The following KLHL31 variants were observed in gnomAD, a reference collection of about 807,000 sequenced individuals.
KLHL31 encodes kelch like family member 31.
In KLHL31, 32 loss-of-function variants were observed where a neutral mutation model predicts 47.1. That is an observed-to-expected ratio of 0.68 (90% CI 0.51 to 0.91). KLHL31 has a LOEUF of 0.91. Among genes scored for constraint, KLHL31 ranks in the 40% least tolerant of loss-of-function variants. The pLI is 0.00. For synonymous variants in KLHL31, 330 were observed against 325.1 expected (o/e 1.01, Z -0.16); for missense variants, 797 against 819.3 (o/e 0.97, Z 0.33).
intron 1 of KLHL31, among the ~76,000 whole-genome samples, chr6:53,661,068 C>T (rs1197999523): frequency 6.6e-6 from 1 of 152,154 alleles, no homozygotes; most frequent in East Asian, 1.9e-4. Context: ...TGCTTTGAAG[C>T]TGAACAAAGC....
chr6:53,653,458 T>C (rs1764505738), intron 2 of KLHL31, among the ~76,000 whole-genome samples: 1 of 152,254 alleles, frequency 6.6e-6, no homozygotes, highest in South Asian at 2.1e-4. Flanking sequence ...GGAAGTTTAA[T>C]TTTTAATCAT....
chr6:53,662,160 A>G (rs1445120414), intron 1 of KLHL31, among the ~76,000 whole-genome samples: 2 of 152,158 alleles, frequency 1.3e-5, no homozygotes, highest in African/African-American at 2.4e-5. Flanking sequence ...CCAGGCATGC[A>G]TCTTTGTTAA....
Position 53,654,697 on chromosome 6 carries a change from C to A in KLHL31, c.576G>T (p.Gln192His). 6.2e-7 allele frequency: 1 copy of A among 1,614,194 alleles called. No individual in the cohort carries two copies. Among genetic ancestry groups the A allele is most frequent in the South Asian group, 1.1e-5 (1 of 91,080 alleles). The change falls in exon 2 of 3, where the codon CAG becomes CAT. Residue 192 changes from glutamine (Q) to histidine (H), a missense_variant. Gln to His is a conservative substitution (Grantham distance 24). Coordinates refer to ENST00000370905, the MANE Select transcript of KLHL31 (RefSeq NM_001003760.5). ...YSLKNAKAAA[Q>H]KFIRDNFLEF... Reference sequence around the variant, plus strand: ...CAAGGAAGTTATCCCGAATAAATTTCTGGGCTGCTGCTTTTGCATTTTTTA... The same window carrying A: ...CAAGGAAGTTATCCCGAATAAATTTATGGGCTGCTGCTTTTGCATTTTTTA...
chr6:53,652,257 C>A lies in KLHL31; in HGVS notation c.1246G>T (p.Val416Leu). 3 of 1,614,148 alleles carry A rather than the reference C, an allele frequency of 1.9e-6. No individual in the cohort carries two copies. Among genetic ancestry groups the A allele is most frequent in the Non-Finnish European group, 2.5e-6 (3 of 1,180,050 alleles). The change falls in exon 3 of 3, where the codon GTG becomes TTG. Residue 416 changes from valine to leucine, a missense_variant. Physicochemically the swap from Val to Leu is conservative, Grantham distance 32. Coordinates refer to ENST00000370905, the MANE Select transcript of KLHL31 (RefSeq NM_001003760.5). ...NQKRTHFSLS[V>L]FNGLVYAAGG... is the part of the protein sequence containing the mutation. The stretch of plus-strand genomic sequence containing the variant: ...GCGGCGTACACGAGCCCGTTGAACA[C>A]GCTCAGGCTGAAGTGCGTGCGCTTC...
chr6:53,661,485 G>T (rs1764644732), intron 1 of KLHL31, among the ~76,000 whole-genome samples: 1 of 152,060 alleles, frequency 6.6e-6, no homozygotes. Context: ...AAGAGCAAGG[G>T]CAATCTTTAA....
In KLHL31 at chr6:53,654,957, G is replaced by C. The variant is rs114616176; in HGVS notation, c.316C>G (p.Pro106Ala). 9.3e-4 allele frequency: 1,508 copies of C among 1,614,110 alleles called. 17 individuals carry two copies. In the East Asian group the frequency reaches 0.017, roughly 18 times the overall value. ...TTGAGATCCACCCTCTGAATTGACG[G>C]GTCTTTTTTTAGGATGTTGTAAAAA... The part of the protein sequence containing the change: ...EYFYNILKKD[P>A]SIQRVDLNDI... Residue 106 changes from proline (P) to alanine (A), a missense_variant, in exon 2 of 3, where the codon CCG becomes GCG. Pro to Ala is a conservative substitution (Grantham distance 27). Coordinates refer to ENST00000370905, the MANE Select transcript of KLHL31 (RefSeq NM_001003760.5).
rs2038939 is a variant in KLHL31 at position 53,655,290 on chromosome 6, T to C, written c.-18A>G. ...GGTGCCATGTTGGCAAATACACTGTTACAGGCAAGAGCTTGCTAAAAAGAG... is the reference window on the plus strand; with the variant it reads ...GGTGCCATGTTGGCAAATACACTGTCACAGGCAAGAGCTTGCTAAAAAGAG... On this transcript the variant is annotated 5_prime_UTR_variant, in exon 2 of 3. Transcript: ENST00000370905. 1,349,185 of 1,503,128 alleles carry C rather than the reference T, an allele frequency of 0.9. 606,265 individuals carry two copies. The highest frequency in any genetic ancestry group is 1 in the East Asian group (43,847 of 43,856). The allele number at this position is 1,503,128 out of a possible 1,614,324, so 93.1% of individuals were successfully genotyped here.
At chr6:53,657,619 T>A (rs894007152) in intron 1 of KLHL31, among the ~76,000 whole-genome samples, 2 of 143,840 alleles carry the variant, frequency 1.4e-5, no homozygotes, top group African/African-American at 5.3e-5. Context: ...TTTGTGTGTG[T>A]GTGTGTGTGT....
intron 1 of KLHL31, among the ~76,000 whole-genome samples, chr6:53,663,765 T>G (rs538163070): frequency 1.2e-3 from 183 of 152,306 alleles, no homozygotes; most frequent in Middle Eastern, 0.01. Flanking sequence ...TTCCTAGTAT[T>G]TTGTGTGTTG....
At chr6:53,663,330 A>T (rs899778548) in intron 1 of KLHL31, among the ~76,000 whole-genome samples, 1 of 152,236 alleles carries the variant, frequency 6.6e-6, no homozygotes, top group African/African-American at 2.4e-5. Context: ...GGTTCCAAAT[A>T]CTAGAATAAA....
chr6:53,650,738 G>A lies in KLHL31; in HGVS notation c.*860C>T, dbSNP rs1004440598. 1 of 152,108 alleles carries A rather than the reference G, an allele frequency of 6.6e-6. No homozygotes were observed. Among genetic ancestry groups the A allele is most frequent in the Admixed American group, 6.6e-5 (1 of 15,266 alleles). 9.4% of individuals were successfully genotyped at this position (152,108 alleles called of 1,614,324 possible). The stretch of plus-strand genomic sequence containing the variant: ...TTAACCAGGTTGGTGTAGTTTTTAG[G>A]GTGAGGGTAAGGCTCCCAGGGTATG... On this transcript the variant is annotated 3_prime_UTR_variant, in exon 3 of 3. Transcript: ENST00000370905.
At chr6:53,653,079 T>G (rs1310945861) in intron 2 of KLHL31, among the ~76,000 whole-genome samples, 1 of 152,224 alleles carries the variant, frequency 6.6e-6, no homozygotes, top group African/African-American at 2.4e-5. Context: ...GTATAAGCAC[T>G]GCAATCAATA....
chr6:53,661,299 TG>T (rs1329524670), intron 1 of KLHL31, among the ~76,000 whole-genome samples: 1 of 152,180 alleles, frequency 6.6e-6, no homozygotes, highest in Non-Finnish European at 1.5e-5. Context: ...CCAGAGGCTA[TG>T]TTGTCATGGG....
rs752783206 is a variant in KLHL31 at position 53,654,943 on chromosome 6, C to A, written c.330G>T (p.Arg110Ser). 6.2e-7 allele frequency: 1 copy of A among 1,614,060 alleles called. No individual in the cohort carries two copies. The highest frequency in any genetic ancestry group is 8.5e-7 in the Non-Finnish European group (1 of 1,179,982). ...NILKKDPSIQ[R>S]VDLNDISPLG... ...GTGGTGAGATATCATTGAGATCCAC[C>A]CTCTGAATTGACGGGTCTTTTTTTA... The change falls in exon 2 of 3, where the codon AGG (arginine) becomes AGT (serine). Residue 110 changes from arginine (R) to serine (S), a missense_variant. Physicochemically the swap from Arg to Ser is moderately radical, Grantham distance 110 (BLOSUM62 -1). Transcript: ENST00000370905.
intron 2 of KLHL31, 119 bp from the exon 3 acceptor site, chr6:53,652,449 C>A (rs750538754): frequency 2.5e-6 from 3 of 1,215,616 alleles, no homozygotes; most frequent in Admixed American, 3.9e-5. Context: ...AGGGACCTGG[C>A]CCAGCACCTC....
intron 1 of KLHL31, among the ~76,000 whole-genome samples, chr6:53,660,940 C>T (rs1466855784): frequency 6.6e-6 from 1 of 152,186 alleles, no homozygotes; most frequent in African/African-American, 2.4e-5. Context: ...ATTGCCGGGT[C>T]TGCAACTCAT....
At chr6:53,660,943 C>T (rs1764636623) in intron 1 of KLHL31, among the ~76,000 whole-genome samples, 1 of 152,170 alleles carries the variant, frequency 6.6e-6, no homozygotes, top group Non-Finnish European at 1.5e-5. Flanking sequence ...GCCGGGTCTG[C>T]AACTCATAGG....
At position 53,654,610 on chromosome 6, in the gene KLHL31, T is replaced by C; in HGVS notation, c.663A>G (p.Ile221Met). Residue 221 changes from isoleucine to methionine, a missense_variant, in exon 2 of 3, where the codon ATA becomes ATG. Ile to Met is a conservative substitution (Grantham distance 10). Coordinates refer to ENST00000370905, the MANE Select transcript of KLHL31 (RefSeq NM_001003760.5). ...CAGAAGGCAACTGTAAGTCATCATC[T>C]ATAAGAAGTTCATTAATTTGTTCAA... ...LTFEQINELL[I>M]DDDLQLPSEI... 6.2e-7 allele frequency: 1 copy of C among 1,614,202 alleles called. No individual in the cohort carries two copies. Among genetic ancestry groups the C allele is most frequent in the Non-Finnish European group, 8.5e-7 (1 of 1,180,018 alleles).
Position 53,652,080 on chromosome 6 carries a change from T to A in KLHL31, c.1423A>T (p.Ile475Leu). The A allele has an allele frequency of 1.3e-6, 2 of 1,598,148 alleles. No individual in the cohort carries two copies. Among genetic ancestry groups the A allele is most frequent in the Non-Finnish European group, 1.7e-6 (2 of 1,177,452 alleles). The change falls in exon 3 of 3, where the codon ATA becomes TTA. Residue 475 changes from isoleucine (I) to leucine (L), a missense_variant. Physicochemically the swap from Ile to Leu is conservative, Grantham distance 5 (BLOSUM62 2). Coordinates refer to ENST00000370905, the MANE Select transcript of KLHL31 (RefSeq NM_001003760.5). ...ACAGAGCGCGAGTAGGCGTTGGCTA[T>A]GTAGCCTCCGGTCACCAGCACGCGG... The part of the protein sequence containing the change: ...DGRVLVTGGY[I>L]ANAYSRSVCA...
Sources: gnomAD v4.1 joint callset for allele counts (sites outside exome capture counted in the v4.1 genomes callset) on GRCh38, gnomAD v4.1.1 for gene constraint, MANE v1.5 for transcripts, NCBI Gene and HGNC (gene_info 2026-07-23, HGNC 2026-07-21) for gene names.